Variants in USP49 observed in about 807,000 individuals in gnomAD.
The protein encoded by USP49 is ubiquitin carboxyl-terminal hydrolase 49.
USP49 carries 24 observed loss-of-function variants against 58.6 expected under a neutral mutation model. The observed-to-expected ratio is 0.41, with a 90% CI of 0.30 to 0.58. The LOEUF is 0.58. USP49 is among the 20% of genes least tolerant of loss of function. USP49 has a pLI of 0.30. For synonymous variants in USP49, 408 were observed against 365.1 expected (o/e 1.12, Z -1.34); for missense variants, 703 against 866.1 (o/e 0.81, Z 2.36).
chr6:41,852,469 A>AT (rs1349357061), intron 3 of USP49, among the ~76,000 whole-genome samples: 1 of 152,236 alleles, frequency 6.6e-6, no homozygotes, highest in Admixed American at 6.5e-5. Context: ...TCAAAAGGAA[A>AT]TTTTTTAAAA....
At chr6:41,851,563 A>AAG in intron 3 of USP49, among the ~76,000 whole-genome samples, 1 of 152,338 alleles carries the variant, frequency 6.6e-6, no homozygotes, top group African/African-American at 2.4e-5. Flanking sequence ...CCTTTTCTCT[A>AAG]AGACAAGGAA....
chr6:41,872,761 C>T (rs902071511), intron 2 of USP49, among the ~76,000 whole-genome samples: 1 of 145,912 alleles, frequency 6.9e-6, no homozygotes, highest in African/African-American at 2.5e-5. Flanking sequence ...AAAAAAATAG[C>T]AGGGTGTGGT....
chr6:41,833,885 A>G (rs978805834), intron 3 of USP49, among the ~76,000 whole-genome samples: 3 of 152,364 alleles, frequency 2.0e-5, no homozygotes, highest in South Asian at 2.1e-4. Context: ...CAGTTTATCT[A>G]CGAAGCTGTT....
rs748769678 is a variant in USP49, at chr6:41,805,828, A to G, written c.1156T>C (p.Trp386Arg). Residue 386 changes from tryptophan (W) to arginine (R), a missense_variant, in exon 4 of 8, where the codon TGG (tryptophan) becomes CGG (arginine). Around this residue, in one of 6 missense-constraint regions of USP49, gnomAD observed 66 missense variants for 116.0 expected, o/e 0.57. Coordinates refer to ENST00000682992, the MANE Select transcript of USP49 (RefSeq NM_001286554.2). ...CCGCGGAAGGCAGGGATCAGGCTCCACACTGAGTGGAGCATGGCGAAGGGC... is the reference window on the plus strand; with the variant it reads ...CCGCGGAAGGCAGGGATCAGGCTCCGCACTGAGTGGAGCATGGCGAAGGGC... ...VSPFAMLHSV[W>R]SLIPAFRGYD... The G allele has an allele frequency of 4.3e-6, 7 of 1,613,948 alleles. No individual in the cohort carries two copies. The South Asian group carries it at 7.7e-5, about 18-fold the overall frequency.
At chr6:41,892,219 T>C (rs1170293613) in intron 1 of USP49, among the ~76,000 whole-genome samples, 2 of 152,208 alleles carry the variant, frequency 1.3e-5, no homozygotes, top group African/African-American at 4.8e-5. Flanking sequence ...ACAGTTTATA[T>C]TTCCTTCTTT....
intron 3 of USP49, among the ~76,000 whole-genome samples, chr6:41,834,179 A>G (rs949339474): frequency 6.6e-6 from 1 of 152,140 alleles, no homozygotes; most frequent in African/African-American, 2.4e-5. Flanking sequence ...GAGATGTCTG[A>G]CCTATGATTC....
rs547724387 is a variant in USP49, at chr6:41,881,518, G to A, written c.-102-9881C>T. On this transcript the variant is annotated intron_variant, in intron 2 of 7. Transcript: ENST00000682992. Reference sequence around the variant, plus strand: ...TGATTTTTCCAATCAAGATTTCTAAGGGGAAAAAGAAACTAAAGGAAAAAA... The same window carrying A: ...TGATTTTTCCAATCAAGATTTCTAAAGGGAAAAAGAAACTAAAGGAAAAAA... Among the ~76,000 whole-genome samples the A allele has an allele frequency of 5.9e-5, 9 of 151,882 alleles. No individual in the cohort carries two copies. In the East Asian group the frequency reaches 1.7e-3, roughly 29 times the overall value.
intron 3 of USP49, among the ~76,000 whole-genome samples, chr6:41,822,575 C>T (rs1345711173): frequency 2.0e-5 from 3 of 152,124 alleles, no homozygotes; most frequent in Non-Finnish European, 4.4e-5. Context: ...AGGCCAGGCA[C>T]GGTGGCTCAT....
At chr6:41,808,310 A>C (rs1248767033) in intron 3 of USP49, among the ~76,000 whole-genome samples, 1 of 152,134 alleles carries the variant, frequency 6.6e-6, no homozygotes, top group Non-Finnish European at 1.5e-5. Context: ...AGAACATCCT[A>C]AGCATGTTTT....
chr6:41,883,610 G>A (rs1438312744), intron 2 of USP49, among the ~76,000 whole-genome samples: 2 of 151,174 alleles, frequency 1.3e-5, no homozygotes, highest in African/African-American at 4.9e-5. Context: ...GCGACAGAGC[G>A]AGACTCCATC....
chr6:41,858,851 C>T (rs970197777), intron 3 of USP49, among the ~76,000 whole-genome samples: 2 of 152,124 alleles, frequency 1.3e-5, no homozygotes, highest in African/African-American at 4.8e-5. Context: ...ACTATCTAAA[C>T]ATAGTATGTA....
chr6:41,844,815 G>A (rs1043308705), intron 3 of USP49, among the ~76,000 whole-genome samples: 15 of 152,106 alleles, frequency 9.9e-5, no homozygotes, highest in African/African-American at 3.6e-4. Flanking sequence ...GTTAATATAC[G>A]TGAGTGGGTT....
chr6:41,864,505 G>A (rs538065993), intron 3 of USP49, among the ~76,000 whole-genome samples: 26 of 152,280 alleles, frequency 1.7e-4, no homozygotes, highest in South Asian at 2.1e-4. Flanking sequence ...GGAGGTTGCC[G>A]TGAGCTGAGA....
At chr6:41,884,457 A>G (rs1352485519) in intron 2 of USP49, among the ~76,000 whole-genome samples, 1 of 152,254 alleles carries the variant, frequency 6.6e-6, no homozygotes, top group Non-Finnish European at 1.5e-5. Context: ...TTTTAATTAA[A>G]AATACATACA....
rs139570710 is a variant in USP49 at position 41,884,886 on chromosome 6, T to C, written c.-103+6908A>G. ...AAAATAAATGTTTTACATAACTTTT[T>C]TCATCAAATGGAAATGTACCTTGAA... On this transcript the variant is annotated intron_variant, in intron 2 of 7. Coordinates refer to ENST00000682992, the MANE Select transcript of USP49 (RefSeq NM_001286554.2). 1.4e-4 allele frequency among the ~76,000 whole-genome samples: 21 copies of C among 152,282 alleles called. No homozygotes were observed. The East Asian group carries it at 3.7e-3, about 27-fold the overall frequency.
At chr6:41,808,567 G>A (rs927832030) in intron 3 of USP49, among the ~76,000 whole-genome samples, 2 of 151,808 alleles carry the variant, frequency 1.3e-5, no homozygotes, top group Non-Finnish European at 2.9e-5. Context: ...GCGCCACCAC[G>A]CCCAGCTAAT....
chr6:41,852,748 G>A (rs1774052405), intron 3 of USP49, among the ~76,000 whole-genome samples: 1 of 152,162 alleles, frequency 6.6e-6, no homozygotes, highest in Admixed American at 6.5e-5. Context: ...GAAATTTCAA[G>A]AGACCTTGAG....
intron 3 of USP49, among the ~76,000 whole-genome samples, chr6:41,840,373 C>CAA (rs55886124): frequency 1.2e-4 from 10 of 82,514 alleles, no homozygotes; most frequent in South Asian, 3.7e-4. Flanking sequence ...AACTCCGTCT[C>CAA]AAAAAAAAAA....
chr6:41,797,522 G>T, intron 7 of USP49: 1 of 599,168 alleles, frequency 1.7e-6, no homozygotes, highest in Non-Finnish European at 2.1e-6. Context: ...CAGCCCATCA[G>T]TCAGTGCAGT....
Sources: gnomAD v4.1 joint callset for allele counts (sites outside exome capture counted in the v4.1 genomes callset) on GRCh38, gnomAD v4.1.1 for gene constraint, gnomAD v4.1.1 regional missense constraint, MANE v1.5 for transcripts, NCBI Gene and HGNC (gene_info 2026-07-23, HGNC 2026-07-21) for gene names.